CCDC40: variants seen among roughly 807,000 people sequenced by gnomAD.
The protein encoded by CCDC40 is coiled-coil domain 40 molecular ruler complex subunit.
CCDC40 carries 104 observed loss-of-function variants against 124.5 expected under a neutral mutation model. The observed-to-expected ratio is 0.84, with a 90% CI of 0.71 to 0.98. CCDC40 has a LOEUF of 0.98. Ranked by LOEUF, CCDC40 falls within the 50% of genes least tolerant of loss-of-function variation. The pLI is 0.00. For synonymous variants in CCDC40, 580 were observed against 602.9 expected, an observed-to-expected ratio of 0.96 and a Z score of 0.56; for missense variants, 1,463 against 1,503.9, an observed-to-expected ratio of 0.97 and a Z score of 0.45.
At chr17:80,051,795 C>T (rs1045549915) in intron 7 of CCDC40, among the ~76,000 whole-genome samples, 1 of 152,228 alleles carries the variant, frequency 6.6e-6, no homozygotes, top group African/African-American at 2.4e-5. Context: ...GACGCGTGCC[C>T]CTAACTGCTC....
At chr17:80,038,307 G>A in intron 2 of CCDC40, 121 bp downstream of exon 2, 1 of 675,350 alleles carries the variant, frequency 1.5e-6, no homozygotes, top group Non-Finnish European at 2.7e-6. Context: ...AAGGCAGGTG[G>A]ATCACATGAG....
chr17:80,097,638 C>T (rs2038834724), intron 19 of CCDC40: 6 of 566,278 alleles, frequency 1.1e-5, no homozygotes, highest in East Asian at 3.0e-5. Context: ...GTTCAGCGTG[C>T]GAGGGTTACA....
intron 10 of CCDC40, among the ~76,000 whole-genome samples, chr17:80,071,393 A>C (rs868835674): frequency 4.6e-5 from 7 of 152,128 alleles, no homozygotes; most frequent in Non-Finnish European, 8.8e-5. Context: ...AGGCCGACCC[A>C]AGGACAAAAG....
At position 80,037,688 on chromosome 17, in the gene CCDC40, A is replaced by ATAT. The variant is rs1555889124; in HGVS notation, c.30-435_30-434insTAT. 8.5e-3 allele frequency among the ~76,000 whole-genome samples: 388 copies of ATAT among 45,684 alleles called. 6 individuals carry two copies. The highest frequency in any genetic ancestry group is 0.031 in the South Asian group (36 of 1,174). 30.0% of individuals were successfully genotyped at this position (45,684 alleles called of 152,430 possible). A position where few individuals can be genotyped will look rare whatever the true frequency, so the allele number is the denominator to read the frequency against. On this transcript the variant is annotated intron_variant, in intron 1 of 19. Coordinates refer to ENST00000397545, the MANE Select transcript of CCDC40 (RefSeq NM_017950.4). ...AGCTTGAATCTTTAATTTTTTAAAA[A>ATAT]AGATATACATATATATATATATATA...
intron 10 of CCDC40, chr17:80,067,905 G>A: frequency 7.5e-7 from 1 of 1,336,584 alleles, no homozygotes; most frequent in Non-Finnish European, 9.6e-7. Flanking sequence ...TGCGCAGAAT[G>A]TTGAGTGAAT....
Position 80,070,988 on chromosome 17 carries a change from A to G in CCDC40, c.1562+5382A>G, listed in dbSNP as rs573442415. On this transcript the variant is annotated intron_variant, in intron 10 of 19. Coordinates refer to ENST00000397545, the MANE Select transcript of CCDC40 (RefSeq NM_017950.4). Reference sequence around the variant, plus strand: ...AACCGTGTGTGACCCTCAAGACCAGACCGGGCCTGCCACACCAACCCTTCA... The same window carrying G: ...AACCGTGTGTGACCCTCAAGACCAGGCCGGGCCTGCCACACCAACCCTTCA... Among the ~76,000 whole-genome samples the G allele has an allele frequency of 3.3e-5, 5 of 152,286 alleles. No individual in the cohort carries two copies. The East Asian group carries it at 9.7e-4, about 29-fold the overall frequency.
rs1216165867 is a variant in CCDC40 at position 80,087,600 on chromosome 17, G to T, written c.2450-7G>T. On this transcript the variant is annotated splice_region_variant and splice_polypyrimidine_tract_variant and intron_variant, in intron 14 of 19. Coordinates refer to ENST00000397545, the MANE Select transcript of CCDC40 (RefSeq NM_017950.4). The surrounding 1 kb of genome is among the most constrained non-coding windows in gnomAD (Gnocchi z 4.5). ...GTCTCTCCCTGAGTCTCTGTTTTCT[G>T]CCATAGGCAAGATTGAGCAGGAGAA... 2.5e-6 allele frequency: 4 copies of T among 1,613,764 alleles called. No homozygotes were observed. The highest frequency in any genetic ancestry group is 1.1e-5 in the South Asian group (1 of 91,080).
intron 9 of CCDC40, among the ~76,000 whole-genome samples, chr17:80,062,135 A>G (rs1156740573): frequency 6.6e-6 from 1 of 151,842 alleles, no homozygotes; most frequent in South Asian, 2.1e-4. Flanking sequence ...CAGTGAATAG[A>G]GACTCATGGG....
At chr17:80,074,949 G>T (rs2038277079) in intron 10 of CCDC40, among the ~76,000 whole-genome samples, 1 of 152,058 alleles carries the variant, frequency 6.6e-6, no homozygotes. Context: ...TTGAGGTGGA[G>T]TCTTGCTCTG....
rs535364663 is a variant in CCDC40, at chr17:80,047,992, C to T, written c.676+590C>T. Among the ~76,000 whole-genome samples, 12 of 152,316 alleles carry T rather than the reference C, an allele frequency of 7.9e-5. No homozygotes were observed. The South Asian group carries it at 8.3e-4, about 11-fold the overall frequency. On this transcript the variant is annotated intron_variant, in intron 4 of 19. Coordinates refer to ENST00000397545, the MANE Select transcript of CCDC40 (RefSeq NM_017950.4). ...TGTCTAAATTAGTAAAAAAACAAGC[C>T]GGGCGCGGTGGCTCACGCCTGGAAT...
At chr17:80,082,189 A>G in intron 12 of CCDC40, 131 bp downstream of exon 12, 1 of 634,272 alleles carries the variant, frequency 1.6e-6, no homozygotes, top group South Asian at 1.6e-5. Flanking sequence ...ACTCCTTTCC[A>G]TGGTGTTCAG....
chr17:80,047,478 A>T, intron 4 of CCDC40, 76 bp downstream of exon 4: 1 of 1,495,478 alleles, frequency 6.7e-7, no homozygotes, highest in Non-Finnish European at 9.1e-7. Context: ...AAGGGATGCC[A>T]CTCGTTTGTC....
chr17:80,087,993 G>GC lies in CCDC40; in HGVS notation c.2620-13dup. The GC allele has an allele frequency of 9.7e-7, 1 of 1,031,410 alleles. No homozygotes were observed. 63.9% of individuals were successfully genotyped at this position (1,031,410 alleles called of 1,614,324 possible). ...CCATGGCCCTCCCCACAGCTGTCCC[G>GC]CCCCCTCCCCCATGCAGGCCTCTGA... is the stretch of plus-strand genomic sequence containing the variant. On this transcript the variant is annotated splice_polypyrimidine_tract_variant and intron_variant, in intron 15 of 19. Transcript: ENST00000397545. The surrounding 1 kb of genome is among the most constrained non-coding windows in gnomAD (Gnocchi z 4.5).
chr17:80,064,129 C>G (rs1229879939), intron 9 of CCDC40, among the ~76,000 whole-genome samples: 1 of 152,166 alleles, frequency 6.6e-6, no homozygotes, highest in African/African-American at 2.4e-5. Flanking sequence ...ATACTTAATT[C>G]ACACCATTTT....
At chr17:80,067,481 CT>C (rs1364568992) in intron 10 of CCDC40, 1 of 975,906 alleles carries the variant, frequency 1.0e-6, no homozygotes, top group South Asian at 1.4e-5. Context: ...TGTTCTGCAC[CT>C]CTTTGCTTTT....
rs377559639 is a variant in CCDC40 at position 80,099,694 on chromosome 17, C to A, written c.3348C>A (p.Asp1116Glu). ...CCACCATCCTGGACCGCGTGCGGGA[C>A]GAGTACCCCCAGTTCCAGGAGGCCC... ...LIATILDRVR[D>E]EYPQFQEALH... Residue 1116 changes from aspartate to glutamate, a missense_variant, in exon 20 of 20, where the codon GAC becomes GAA. Coordinates refer to ENST00000397545, the MANE Select transcript of CCDC40 (RefSeq NM_017950.4). 6.2e-7 allele frequency: 1 copy of A among 1,613,850 alleles called. No individual in the cohort carries two copies. Among genetic ancestry groups the A allele is most frequent in the Non-Finnish European group, 8.5e-7 (1 of 1,180,020 alleles).
chr17:80,067,280 T>C (rs746314459), intron 10 of CCDC40: 9 of 513,126 alleles, frequency 1.8e-5, no homozygotes, highest in Non-Finnish European at 3.1e-5. Flanking sequence ...GTTGCAAACA[T>C]TGTAAAAATC....
At chr17:80,097,934 AGAAAAGAAAAGAAAAG>A (rs2038841713) in intron 19 of CCDC40, 1 of 123,372 alleles carries the variant, frequency 8.1e-6, no homozygotes, top group Non-Finnish European at 1.5e-5. Flanking sequence ...AGAAAAGAAA[AGAAAAGAAAAGAAAAG>A]AAAAAGGGAA....
intron 19 of CCDC40, 105 bp downstream of exon 19, chr17:80,097,508 G>A: frequency 8.2e-7 from 1 of 1,217,860 alleles, no homozygotes; most frequent in Admixed American, 2.0e-5. Flanking sequence ...TCCTGATCAG[G>A]TCACGGCCTC....
Sources: allele counts gnomAD v4.1 joint callset (sites outside exome capture counted in the v4.1 genomes callset), GRCh38; gene constraint gnomAD v4.1.1; non-coding constraint Gnocchi (gnomAD v3.1); transcripts MANE v1.5; gene names NCBI Gene and HGNC (gene_info 2026-07-23, HGNC 2026-07-21).